ATP11B: variants seen among roughly 807,000 people sequenced by gnomAD.
ATP11B encodes the protein ATPase phospholipid transporting 11B (putative).
Under a neutral mutation model 157.8 loss-of-function variants are expected in ATP11B, and 81 were observed. The ratio of observed to expected loss-of-function variants is 0.51; its 90% CI spans 0.43 to 0.62. The LOEUF (loss-of-function observed/expected upper bound fraction) is 0.62, where lower values mean the gene tolerates loss of function less well. ATP11B is among the 20% of genes least tolerant of loss of function. ATP11B has a pLI of 0.00. For synonymous variants in ATP11B, 451 were observed against 469.4 expected (o/e 0.96, Z 0.51); for missense variants, 1,165 against 1,402.2 (o/e 0.83, Z 2.70).
At position 182,828,122 on chromosome 3, in the gene ATP11B, C is replaced by T. The variant is rs1717850067; in HGVS notation, c.147C>T (p.Tyr49=). Residue 49 remains tyrosine, a splice_region_variant and synonymous_variant, in exon 3 of 30, where the codon TAC becomes TAT. Coordinates refer to ENST00000323116, the MANE Select transcript of ATP11B (RefSeq NM_014616.3). ...TTTATTGATCTCTTTCTTTTTAGTA[C>T]ACTGTGTGGAATTTTGTTCCAAAAA... ...FIDNRIISSK[Y]TVWNFVPKNL... is the part of the protein sequence containing the mutation. 2 of 1,374,034 alleles carry T rather than the reference C, an allele frequency of 1.5e-6. No individual in the cohort carries two copies. The highest frequency in any genetic ancestry group is 2.0e-6 in the Non-Finnish European group (2 of 1,011,258). 85.1% of individuals were successfully genotyped at this position (1,374,034 alleles called of 1,614,324 possible).
chr3:182,907,781 A>G (rs936168357), intron 28 of ATP11B, among the ~76,000 whole-genome samples: 1 of 152,218 alleles, frequency 6.6e-6, no homozygotes, highest in Non-Finnish European at 1.5e-5. Flanking sequence ...CTGTAATAAA[A>G]GGTCCCCACA....
At chr3:182,829,796 G>A in intron 4 of ATP11B, 44 bp downstream of exon 4, 2 of 1,472,212 alleles carry the variant, frequency 1.4e-6, no homozygotes, top group Non-Finnish European at 1.8e-6. Flanking sequence ...AAGTCATTTA[G>A]AAGTTGCTAA....
intron 25 of ATP11B, 38 bp from the exon 26 acceptor site, chr3:182,896,662 G>A (rs772455685): frequency 1.3e-6 from 2 of 1,533,294 alleles, no homozygotes; most frequent in African/African-American, 1.4e-5. Flanking sequence ...TTAACATTAT[G>A]TTAACACGTA....
chr3:182,892,957 T>C (rs1209471222), intron 25 of ATP11B, among the ~76,000 whole-genome samples: 5 of 152,236 alleles, frequency 3.3e-5, no homozygotes, highest in Non-Finnish European at 7.3e-5. Flanking sequence ...GACTAATTTT[T>C]AACTTTGTTT....
In ATP11B at chr3:182,918,811, G is replaced by GC; in HGVS notation, c.*707_*708insC. 1 of 155,338 alleles carries GC rather than the reference G, an allele frequency of 6.4e-6. No homozygotes were observed. Among genetic ancestry groups the GC allele is most frequent in the South Asian group, 2.1e-4 (1 of 4,848 alleles). The allele number at this position is 155,338 out of a possible 1,614,324, so 9.6% of individuals were successfully genotyped here. On this transcript the variant is annotated 3_prime_UTR_variant, in exon 30 of 30. Coordinates refer to ENST00000323116, the MANE Select transcript of ATP11B (RefSeq NM_014616.3). ...TATATACAAATCAGGAATCAGGTCC[G>GC]TTCACCGAACTTCAAATTGATGTTT...
chr3:182,914,059 G>A, intron 29 of ATP11B, 65 bp downstream of exon 29: 1 of 1,592,330 alleles, frequency 6.3e-7, no homozygotes, highest in Non-Finnish European at 8.5e-7. Flanking sequence ...GGATGAACCT[G>A]CCGCTCTAGA....
intron 7 of ATP11B, among the ~76,000 whole-genome samples, chr3:182,838,670 G>A (rs1166908533): frequency 6.6e-6 from 1 of 151,812 alleles, no homozygotes; most frequent in Non-Finnish European, 1.5e-5. Flanking sequence ...AGGTGAATAA[G>A]ATGAAAAGGA....
chr3:182,916,091 G>C, intron 29 of ATP11B: 2 of 985,230 alleles, frequency 2.0e-6, no homozygotes, highest in Non-Finnish European at 1.2e-6. Flanking sequence ...TGCTTTTCAA[G>C]GGCTATGTGA....
chr3:182,897,328 C>G lies in ATP11B; in HGVS notation c.3074C>G (p.Thr1025Ser). 6.3e-7 allele frequency: 1 copy of G among 1,575,192 alleles called. No homozygotes were observed. The highest frequency in any genetic ancestry group is 8.6e-7 in the Non-Finnish European group (1 of 1,168,564). Residue 1025 changes from threonine (T) to serine (S), a missense_variant, in exon 27 of 30, where the codon ACT becomes AGT. By Grantham distance (58) the Thr-to-Ser change is moderately conservative. This residue lies in a region of ATP11B where 303 missense variants were observed against 296.3 expected (regional missense o/e 1.02). Coordinates refer to ENST00000323116, the MANE Select transcript of ATP11B (RefSeq NM_014616.3). Reference sequence around the variant, plus strand: ...ATGGCTCTGGAAACTCATTTTTGGACTTGGATCAACCATCTCGTTACCTGG... The same window carrying G: ...ATGGCTCTGGAAACTCATTTTTGGAGTTGGATCAACCATCTCGTTACCTGG... ...VKMALETHFW[T>S]WINHLVTWGS...
intron 26 of ATP11B, among the ~76,000 whole-genome samples, 172 bp from the exon 27 acceptor site, chr3:182,897,131 C>T (rs1468929287): frequency 6.6e-6 from 1 of 151,966 alleles, no homozygotes; most frequent in Non-Finnish European, 1.5e-5. Context: ...GAAATTATTT[C>T]ATTTTATACT....
At chr3:182,916,983 C>G in intron 29 of ATP11B, 2 of 983,968 alleles carry the variant, frequency 2.0e-6, no homozygotes, top group Non-Finnish European at 2.4e-6. Context: ...ATGTCAGACA[C>G]AGTTCTAGAT....
chr3:182,866,498 C>G (rs1248277922), intron 14 of ATP11B, 55 bp downstream of exon 14: 2 of 1,387,986 alleles, frequency 1.4e-6, no homozygotes, highest in Non-Finnish European at 1.9e-6. Flanking sequence ...ATAAATGTAA[C>G]AATATTAGAA....
At chr3:182,903,442 G>A (rs1371775680) in intron 28 of ATP11B, among the ~76,000 whole-genome samples, 1 of 152,086 alleles carries the variant, frequency 6.6e-6, no homozygotes, top group African/African-American at 2.4e-5. Context: ...CTGATCAAAT[G>A]AATGGCTTTT....
At chr3:182,814,211 G>A (rs1716838098) in intron 1 of ATP11B, among the ~76,000 whole-genome samples, 1 of 151,844 alleles carries the variant, frequency 6.6e-6, no homozygotes, top group Non-Finnish European at 1.5e-5. Context: ...TTACAGGCAC[G>A]CACCACCACA....
intron 28 of ATP11B, among the ~76,000 whole-genome samples, chr3:182,907,444 T>C (rs1323733253): frequency 6.6e-6 from 1 of 152,204 alleles, no homozygotes; most frequent in African/African-American, 2.4e-5. Context: ...TTCTATAAGA[T>C]ACAGTTTTAA....
chr3:182,892,737 T>C (rs565227245), intron 25 of ATP11B, among the ~76,000 whole-genome samples: 1 of 152,330 alleles, frequency 6.6e-6, no homozygotes, highest in South Asian at 2.1e-4. Flanking sequence ...CTTAGTAAAG[T>C]ATAAGTCTTG....
At chr3:182,866,973 C>T (rs1477113161) in intron 14 of ATP11B, among the ~76,000 whole-genome samples, 1 of 150,628 alleles carries the variant, frequency 6.6e-6, no homozygotes, top group Non-Finnish European at 1.5e-5. Context: ...CTCTGTCACC[C>T]AGGCTGGAGT....
chr3:182,858,516 T>C (rs1214716574), intron 11 of ATP11B, among the ~76,000 whole-genome samples: 1 of 152,176 alleles, frequency 6.6e-6, no homozygotes, highest in African/African-American at 2.4e-5. Flanking sequence ...GGTAAATAAT[T>C]GTTCTCCAGG....
chr3:182,812,819 T>G (rs1008646913), intron 1 of ATP11B, among the ~76,000 whole-genome samples: 6 of 152,162 alleles, frequency 3.9e-5, no homozygotes, highest in Non-Finnish European at 8.8e-5. Flanking sequence ...CCACCATCCA[T>G]CTCTTGAACT....
Sources: gnomAD v4.1 joint callset for allele counts (sites outside exome capture counted in the v4.1 genomes callset) on GRCh38, gnomAD v4.1.1 for gene constraint, gnomAD v4.1.1 regional missense constraint, MANE v1.5 for transcripts, NCBI Gene and HGNC (gene_info 2026-07-23, HGNC 2026-07-21) for gene names.